BFSP2: variants seen among roughly 807,000 people sequenced by gnomAD.
The protein encoded by BFSP2 is phakinin.
Under a neutral mutation model 44.9 loss-of-function variants are expected in BFSP2, and 38 were observed. That is an observed-to-expected ratio of 0.85 (90% confidence interval 0.65 to 1.11). The LOEUF is 1.11. Among genes scored for constraint, BFSP2 ranks in the 50% least tolerant of loss-of-function variants. The probability of loss-of-function intolerance (pLI) is 0.00; values close to 1 mark genes in which losing one functional copy is unlikely to be tolerated. For synonymous variants in BFSP2, 197 were observed against 209.9 expected, an observed-to-expected ratio of 0.94 and a Z score of 0.53; for missense variants, 525 against 533.0, an observed-to-expected ratio of 0.99 and a Z score of 0.15.
chr3:133,472,474 C>T lies in BFSP2; in HGVS notation c.1153C>T (p.Gln385Ter). The T allele has an allele frequency of 6.2e-7, 1 of 1,613,842 alleles. No homozygotes were observed. The highest frequency in any genetic ancestry group is 1.7e-4 in the Middle Eastern group (1 of 5,792). Residue 385 changes from glutamine to a stop codon, truncating the protein, a stop_gained, in exon 6 of 7, where the codon CAA (glutamine) becomes TAA (stop). Coordinates refer to ENST00000302334, the MANE Select transcript of BFSP2 (RefSeq NM_003571.4). LOFTEE classifies it high-confidence loss of function. ...REIRAEAEQQ[Q>*]QERAHLLARK... Reference sequence around the variant, plus strand: ...AATCCGAGCGGAGGCGGAGCAGCAGCAACAGGAGCGCGCGCATCTGCTGGC... The same window carrying T: ...AATCCGAGCGGAGGCGGAGCAGCAGTAACAGGAGCGCGCGCATCTGCTGGC...
At chr3:133,470,869 C>A (rs190661218) in intron 5 of BFSP2, among the ~76,000 whole-genome samples, 1 of 152,262 alleles carries the variant, frequency 6.6e-6, no homozygotes, top group Admixed American at 6.5e-5. Flanking sequence ...GTCTCCTAAC[C>A]CAGCTTGGTG....
intron 4 of BFSP2, among the ~76,000 whole-genome samples, chr3:133,452,703 T>G (rs969531315): frequency 2.0e-5 from 3 of 152,162 alleles, no homozygotes; most frequent in Admixed American, 2.0e-4. Flanking sequence ...CTGTTCTTGG[T>G]CCAGAGACCT....
At chr3:133,436,150 G>A (rs1035426334) in intron 1 of BFSP2, among the ~76,000 whole-genome samples, 8 of 151,830 alleles carry the variant, frequency 5.3e-5, no homozygotes, top group South Asian at 2.1e-4. Flanking sequence ...GATCACTTGA[G>A]GCCATTGCTA....
At chr3:133,409,227 GGTGTGTGT>G (rs56156448) in intron 1 of BFSP2, among the ~76,000 whole-genome samples, 1 of 148,498 alleles carries the variant, frequency 6.7e-6, no homozygotes, top group Non-Finnish European at 1.5e-5. Context: ...TTCTGACACT[GGTGTGTGT>G]GTGTGTGTGT....
intron 4 of BFSP2, among the ~76,000 whole-genome samples, chr3:133,457,009 G>T (rs2074018525): frequency 6.6e-6 from 1 of 152,166 alleles, no homozygotes; most frequent in South Asian, 2.1e-4. Context: ...ACCAACAAGA[G>T]TCAATATTTT....
intron 1 of BFSP2, among the ~76,000 whole-genome samples, chr3:133,442,224 C>T (rs1005924598): frequency 6.6e-6 from 1 of 152,204 alleles, no homozygotes; most frequent in Admixed American, 6.5e-5. Context: ...ACTGCAGCCT[C>T]GACCTCCTGG....
intron 4 of BFSP2, among the ~76,000 whole-genome samples, chr3:133,451,000 A>G (rs149657596): frequency 3.2e-4 from 49 of 151,564 alleles, no homozygotes; most frequent in African/African-American, 1.0e-3. Context: ...AGTCCCCGCT[A>G]CTCGGGAGGC....
intron 4 of BFSP2, among the ~76,000 whole-genome samples, chr3:133,462,054 C>G (rs2074068845): frequency 1.4e-5 from 1 of 70,712 alleles, no homozygotes; most frequent in Admixed American, 1.4e-4. Context: ...ATTTTGCTTC[C>G]ATGGACCAGG....
At chr3:133,438,038 T>C (rs1254908792) in intron 1 of BFSP2, among the ~76,000 whole-genome samples, 3 of 152,046 alleles carry the variant, frequency 2.0e-5, no homozygotes, top group African/African-American at 7.2e-5. Flanking sequence ...AAAGTGTGAG[T>C]ATGAGGAGGA....
chr3:133,443,315 A>G (rs899161622), intron 1 of BFSP2, among the ~76,000 whole-genome samples: 1 of 152,198 alleles, frequency 6.6e-6, no homozygotes, highest in Non-Finnish European at 1.5e-5. Flanking sequence ...TAGCACATAC[A>G]ATGCCATTTA....
intron 1 of BFSP2, among the ~76,000 whole-genome samples, chr3:133,425,759 AG>A (rs1379328042): frequency 1.0e-5 from 1 of 96,598 alleles, no homozygotes. Flanking sequence ...AGCAGGACAA[AG>A]GGATGGGAAA....
At chr3:133,465,710 T>C (rs1302495143) in intron 4 of BFSP2, among the ~76,000 whole-genome samples, 1 of 152,190 alleles carries the variant, frequency 6.6e-6, no homozygotes, top group Non-Finnish European at 1.5e-5. Context: ...TAACTCCTGG[T>C]TTGAGGGCGG....
chr3:133,426,027 G>A, intron 1 of BFSP2, among the ~76,000 whole-genome samples: 1 of 140,314 alleles, frequency 7.1e-6, no homozygotes, highest in East Asian at 2.2e-4. Flanking sequence ...GGGAAGGGAA[G>A]GGAAGGGAAG....
chr3:133,447,177 A>T, intron 1 of BFSP2, 140 bp from the exon 2 acceptor site: 1 of 786,794 alleles, frequency 1.3e-6, no homozygotes, highest in South Asian at 1.5e-5. Flanking sequence ...AGAGAGGGAC[A>T]TCTTAATTCC....
chr3:133,462,544 C>T (rs17366157), intron 4 of BFSP2, among the ~76,000 whole-genome samples: 7,078 of 152,198 alleles, frequency 0.047, 237 homozygotes, highest in Middle Eastern at 0.075. Context: ...CTGGCTTTTC[C>T]GTATGGAGTG....
At chr3:133,409,740 ATAT>A (rs1559957206) in intron 1 of BFSP2, among the ~76,000 whole-genome samples, 1 of 152,192 alleles carries the variant, frequency 6.6e-6, no homozygotes, top group Non-Finnish European at 1.5e-5. Context: ...ATCAATAAGA[ATAT>A]TATCAGGGCT....
At chr3:133,467,232 C>T (rs1477688500) in intron 5 of BFSP2, among the ~76,000 whole-genome samples, 1 of 152,204 alleles carries the variant, frequency 6.6e-6, no homozygotes, top group African/African-American at 2.4e-5. Context: ...TTCAGCTGCC[C>T]CACTGCTCCA....
intron 1 of BFSP2, among the ~76,000 whole-genome samples, chr3:133,446,540 C>G (rs2073898468): frequency 7.9e-6 from 1 of 126,194 alleles, no homozygotes; most frequent in African/African-American, 3.0e-5. Flanking sequence ...ACCCTGCAGG[C>G]TCCCCCTATC....
At chr3:133,463,115 C>G (rs2074079033) in intron 4 of BFSP2, among the ~76,000 whole-genome samples, 1 of 152,134 alleles carries the variant, frequency 6.6e-6, no homozygotes, top group Non-Finnish European at 1.5e-5. Context: ...TCGAGACCAG[C>G]CTGGCCAACA....
Sources: gnomAD v4.1 joint callset for allele counts (sites outside exome capture counted in the v4.1 genomes callset) on GRCh38, gnomAD v4.1.1 for gene constraint, MANE v1.5 for transcripts, NCBI Gene and HGNC (gene_info 2026-07-23, HGNC 2026-07-21) for gene names.